Variants in RALGPS2 observed in about 807,000 individuals in gnomAD.
The protein encoded by RALGPS2 is ras-specific guanine nucleotide-releasing factor RalGPS2.
RALGPS2 carries 43 observed loss-of-function variants against 86.8 expected under a neutral mutation model. The observed-to-expected ratio is 0.50, with a 90% CI of 0.39 to 0.64. The LOEUF (loss-of-function observed/expected upper bound fraction) is 0.64, where lower values mean the gene tolerates loss of function less well. Among genes scored for constraint, RALGPS2 ranks in the 30% least tolerant of loss-of-function variants. The probability of loss-of-function intolerance (pLI) is 0.00; values close to 1 mark genes in which losing one functional copy is unlikely to be tolerated. For missense variants in RALGPS2, 536 were observed against 694.6 expected (o/e 0.77, Z 2.57); for synonymous variants, 243 against 231.3 (o/e 1.05, Z -0.46).
chr1:178,906,955 A>G, intron 19 of RALGPS2, 88 bp downstream of exon 19: 1 of 1,138,562 alleles, frequency 8.8e-7, no homozygotes, highest in Non-Finnish European at 1.3e-6. Flanking sequence ...ACTAGTTCTG[A>G]ATTAACTAGG....
intron 7 of RALGPS2, among the ~76,000 whole-genome samples, chr1:178,822,373 T>G (rs1332656536): frequency 6.6e-6 from 1 of 151,972 alleles, no homozygotes. Context: ...TCAATTAAAT[T>G]TATTTATATT....
chr1:178,851,085 A>G lies in RALGPS2; in HGVS notation c.607+17535A>G, dbSNP rs772020065. On this transcript the variant is annotated intron_variant, in intron 8 of 19. Transcript: ENST00000367635. ...TAACATTTACATTTTTAAGAGCTGA[A>G]AAGTACAAAGTTCTGTGTCATTTAA... The G allele has an allele frequency of 3.9e-6, 6 of 1,524,340 alleles. No homozygotes were observed. The African/African-American group carries it at 5.6e-5, about 14-fold the overall frequency. 94.4% of individuals were successfully genotyped at this position (1,524,340 alleles called of 1,614,324 possible).
At position 178,920,230 on chromosome 1, in the gene RALGPS2, A is replaced by G. The variant is rs1298065483; in HGVS notation, c.*3871A>G. On this transcript the variant is annotated 3_prime_UTR_variant, in exon 20 of 20. Coordinates refer to ENST00000367635, the MANE Select transcript of RALGPS2 (RefSeq NM_152663.5). ...TACCTTTGATTTTGCTCCCCTAAAA[A>G]TGGCTTGTGTCTAAAGTGACATTTT... The G allele has an allele frequency of 6.6e-6, 1 of 152,024 alleles. No homozygotes were observed. Among genetic ancestry groups the G allele is most frequent in the Non-Finnish European group, 1.5e-5 (1 of 67,912 alleles). 9.4% of individuals were successfully genotyped at this position (152,024 alleles called of 1,614,324 possible).
intron 8 of RALGPS2, chr1:178,853,716 C>T (rs1025203833): frequency 1.9e-6 from 3 of 1,611,366 alleles, no homozygotes; most frequent in Non-Finnish European, 2.5e-6. Context: ...TTGCTGTTTT[C>T]AGGTTTAATC....
chr1:178,734,301 C>T (rs1186589945), intron 1 of RALGPS2, among the ~76,000 whole-genome samples: 1 of 152,166 alleles, frequency 6.6e-6, no homozygotes, highest in Non-Finnish European at 1.5e-5. Flanking sequence ...TGTGGCACTT[C>T]TTCAAATAAT....
At position 178,747,282 on chromosome 1, in the gene RALGPS2, G is replaced by A. The variant is rs1019774914; in HGVS notation, c.-84+21863G>A. 11 of 1,518,368 alleles carry A rather than the reference G, an allele frequency of 7.2e-6. No homozygotes were observed. In the African/African-American group the frequency reaches 1.5e-4, roughly 21 times the overall value. The allele number at this position is 1,518,368 out of a possible 1,614,324, so 94.1% of individuals were successfully genotyped here. A position where few individuals can be genotyped will look rare whatever the true frequency, so the allele number is the denominator to read the frequency against. On this transcript the variant is annotated intron_variant, in intron 1 of 19. Transcript: ENST00000367635. Reference sequence around the variant, plus strand: ...AACAAGAAATTGAGAAATGAAGCTGGTGATTGAGGGACTCCAAAATCTGGC... The same window carrying A: ...AACAAGAAATTGAGAAATGAAGCTGATGATTGAGGGACTCCAAAATCTGGC...
chr1:178,740,461 A>G (rs1369208647), intron 1 of RALGPS2, among the ~76,000 whole-genome samples: 1 of 152,220 alleles, frequency 6.6e-6, no homozygotes, highest in African/African-American at 2.4e-5. Context: ...CATGGAGTTA[A>G]TTTACCATTG....
chr1:178,894,661 A>G (rs1659864196), intron 16 of RALGPS2, among the ~76,000 whole-genome samples: 1 of 152,110 alleles, frequency 6.6e-6, no homozygotes, highest in African/African-American at 2.4e-5. Flanking sequence ...CAAATTTTCC[A>G]ATAAATATTT....
chr1:178,856,234 T>TATATATATATATATATATATACAC (rs1368301659), intron 8 of RALGPS2, among the ~76,000 whole-genome samples: 11 of 128,770 alleles, frequency 8.5e-5, no homozygotes, highest in African/African-American at 3.5e-4. Context: ...TATATATATA[T>TATATATATATATATATATATACAC]GGTTTTGGGT....
intron 8 of RALGPS2, among the ~76,000 whole-genome samples, chr1:178,859,484 A>G (rs1572414297): frequency 6.9e-6 from 1 of 145,982 alleles, no homozygotes; most frequent in South Asian, 2.2e-4. Context: ...GCTCACTGCA[A>G]CCTCCGCCTC....
chr1:178,815,013 T>A (rs180964409), intron 6 of RALGPS2, among the ~76,000 whole-genome samples: 27 of 152,324 alleles, frequency 1.8e-4, no homozygotes, highest in Non-Finnish European at 2.5e-4. Context: ...GTTTAAGATC[T>A]TTCAGCAGTT....
chr1:178,759,416 G>T (rs1432709820), intron 1 of RALGPS2, among the ~76,000 whole-genome samples: 3 of 151,592 alleles, frequency 2.0e-5, no homozygotes, highest in Admixed American at 6.6e-5. Flanking sequence ...TGGATTCTCT[G>T]TTCTGTTCAA....
rs1183425830 is a variant in RALGPS2 at position 178,732,087 on chromosome 1, A to G, written c.-84+6668A>G. On this transcript the variant is annotated intron_variant, in intron 1 of 19. Transcript: ENST00000367635. ...TGAGAACGTTCTCATGAGTGTTTCAATTTACCTTTGTGTATAGAGGCCAAG... is the reference window on the plus strand; with the variant it reads ...TGAGAACGTTCTCATGAGTGTTTCAGTTTACCTTTGTGTATAGAGGCCAAG... 7.2e-5 allele frequency among the ~76,000 whole-genome samples: 11 copies of G among 151,780 alleles called. No individual in the cohort carries two copies. In the East Asian group the frequency reaches 7.7e-4, roughly 11 times the overall value.
intron 1 of RALGPS2, among the ~76,000 whole-genome samples, chr1:178,732,061 T>C (rs1650399219): frequency 6.6e-6 from 1 of 152,132 alleles, no homozygotes; most frequent in Admixed American, 6.5e-5. Context: ...TGGTGGTAGC[T>C]TGAGAACGTT....
In RALGPS2 at chr1:178,856,394, A is replaced by ATTTTTTTTTTTT. The variant is rs71108081; in HGVS notation, c.608-21083_608-21072dup. On this transcript the variant is annotated intron_variant, in intron 8 of 19. Transcript: ENST00000367635. ...AGGCAAGTGCCACCCTGCCTGGCTA[A>ATTTTTTTTTTTT]TTTTTTTTTTTTTTTTTTTTTTTTT... is the stretch of plus-strand genomic sequence containing the variant. Among the ~76,000 whole-genome samples the ATTTTTTTTTTTT allele has an allele frequency of 7.1e-3, 260 of 36,432 alleles. 43 individuals carry two copies. Among genetic ancestry groups the ATTTTTTTTTTTT allele is most frequent in the African/African-American group, 8.7e-3 (60 of 6,864 alleles). 23.9% of individuals were successfully genotyped at this position (36,432 alleles called of 152,430 possible).
At chr1:178,740,334 A>G (rs576318109) in intron 1 of RALGPS2, among the ~76,000 whole-genome samples, 48 of 152,240 alleles carry the variant, frequency 3.2e-4, no homozygotes, top group African/African-American at 1.1e-3. Flanking sequence ...CTCAATAGCT[A>G]TTTTTTTAAC....
chr1:178,810,185 A>C (rs1277441219), intron 5 of RALGPS2, among the ~76,000 whole-genome samples: 1 of 152,068 alleles, frequency 6.6e-6, no homozygotes, highest in Non-Finnish European at 1.5e-5. Context: ...GGAGTTTGAG[A>C]CCAGCTTGGG....
In RALGPS2 at chr1:178,832,247, G is replaced by A. The variant is rs1656059370; in HGVS notation, c.481-1177G>A. 2.0e-5 allele frequency among the ~76,000 whole-genome samples: 3 copies of A among 152,220 alleles called. No homozygotes were observed. In the South Asian group the frequency reaches 6.2e-4, roughly 32 times the overall value. On this transcript the variant is annotated intron_variant, in intron 7 of 19. Coordinates refer to ENST00000367635, the MANE Select transcript of RALGPS2 (RefSeq NM_152663.5). Reference sequence around the variant, plus strand: ...ATCCATCTAAAACATTAAAGCAAAGGACCCCTTGACGTTGTATTTTAAAGA... The same window carrying A: ...ATCCATCTAAAACATTAAAGCAAAGAACCCCTTGACGTTGTATTTTAAAGA...
intron 1 of RALGPS2, among the ~76,000 whole-genome samples, chr1:178,744,009 G>A (rs1651173863): frequency 6.6e-6 from 1 of 152,166 alleles, no homozygotes; most frequent in Non-Finnish European, 1.5e-5. Flanking sequence ...CACTTATTTT[G>A]TGAGCTCAGC....
Sources: allele counts gnomAD v4.1 joint callset (sites outside exome capture counted in the v4.1 genomes callset), GRCh38; gene constraint gnomAD v4.1.1; transcripts MANE v1.5; gene names NCBI Gene and HGNC (gene_info 2026-07-23, HGNC 2026-07-21).